TPCN1: variants seen among roughly 807,000 people sequenced by gnomAD.
TPCN1 encodes the protein two pore channel protein 1.
In TPCN1, 52 loss-of-function variants were observed where a neutral mutation model predicts 108.8. That is an observed-to-expected ratio of 0.48 (90% confidence interval 0.38 to 0.60). The LOEUF is 0.60. Ranked by LOEUF, TPCN1 falls within the 20% of genes least tolerant of loss-of-function variation. TPCN1 has a pLI of 0.00. For missense variants in TPCN1, 806 were observed against 1,072.8 expected (o/e 0.75, Z 3.47); for synonymous variants, 446 against 433.7 (o/e 1.03, Z -0.35).
Position 113,244,343 on chromosome 12 carries a change from A to C in TPCN1, c.113-16025A>C, listed in dbSNP as rs570216471. 22 of 985,394 alleles carry C rather than the reference A, an allele frequency of 2.2e-5. No individual in the cohort carries two copies. The South Asian group carries it at 8.5e-4, about 38-fold the overall frequency. The allele number at this position is 985,394 out of a possible 1,614,324, so 61.0% of individuals were successfully genotyped here. A position where few individuals can be genotyped will look rare whatever the true frequency, so the allele number is the denominator to read the frequency against. On this transcript the variant is annotated intron_variant, in intron 2 of 27. Coordinates refer to ENST00000335509, the MANE Select transcript of TPCN1 (RefSeq NM_017901.6). ...AATTCAACTGGGAGGGCTCTGTGCC[A>C]GTTCTTGCCTTTCTGAAGGTTGGTA...
At chr12:113,280,642 T>G (rs1191840355) in intron 15 of TPCN1, among the ~76,000 whole-genome samples, 1 of 152,256 alleles carries the variant, frequency 6.6e-6, no homozygotes, top group East Asian at 1.9e-4. Flanking sequence ...ACATTTAAGC[T>G]AATTAAAATG....
Position 113,232,235 on chromosome 12 carries a change from G to A in TPCN1, c.112+5271G>A, listed in dbSNP as rs1371755359. ...AGCTGACCTCTCCCTCCTTCACGCC[G>A]ATGCCTGGCACATCATCTGGAGTTC... On this transcript the variant is annotated intron_variant, in intron 2 of 27. Coordinates refer to ENST00000335509, the MANE Select transcript of TPCN1 (RefSeq NM_017901.6). This position sits in a 1 kb window ranked among gnomAD's most constrained non-coding sequence, Gnocchi z 5.6. 6.6e-5 allele frequency among the ~76,000 whole-genome samples: 10 copies of A among 152,318 alleles called. No homozygotes were observed. In the South Asian group the frequency reaches 1.2e-3, roughly 19 times the overall value.
intron 7 of TPCN1, among the ~76,000 whole-genome samples, chr12:113,271,450 AT>A (rs1274603636): frequency 2.6e-5 from 4 of 152,122 alleles, no homozygotes; most frequent in Non-Finnish European, 5.9e-5. Context: ...ACGTCTTTAT[AT>A]TTTACTTCAC....
chr12:113,254,933 C>G (rs1241449346), intron 2 of TPCN1, among the ~76,000 whole-genome samples: 1 of 152,186 alleles, frequency 6.6e-6, no homozygotes, highest in Non-Finnish European at 1.5e-5. Context: ...AAACTTCTAG[C>G]TTACATCATA....
intron 2 of TPCN1, among the ~76,000 whole-genome samples, chr12:113,240,910 C>T (rs1377626036): frequency 1.3e-5 from 2 of 152,096 alleles, no homozygotes; most frequent in Non-Finnish European, 2.9e-5. Flanking sequence ...TCATGCCTGG[C>T]TAATTTTTGT....
intron 2 of TPCN1, among the ~76,000 whole-genome samples, chr12:113,246,398 C>G (rs1280544624): frequency 6.6e-6 from 1 of 152,220 alleles, no homozygotes; most frequent in Non-Finnish European, 1.5e-5. Context: ...TGGAACTTTC[C>G]CCAGAGGCCC....
chr12:113,279,361 ATATATATATATATAT>A (rs1955793689), intron 14 of TPCN1, among the ~76,000 whole-genome samples: 1 of 37,656 alleles, frequency 2.7e-5, no homozygotes, highest in Non-Finnish European at 4.2e-5. Context: ...GTGTGTGTGT[ATATATATATATATAT>A]ATATATATAT....
intron 14 of TPCN1, 113 bp downstream of exon 14, chr12:113,278,948 TTGTC>T: frequency 2.3e-6 from 2 of 884,348 alleles, no homozygotes; most frequent in Non-Finnish European, 3.6e-6. Context: ...GTGTGTGTGT[TTGTC>T]TGAATGCCTG....
At position 113,259,062 on chromosome 12, in the gene TPCN1, C is replaced by T. The variant is rs574380544; in HGVS notation, c.113-1306C>T. Among the ~76,000 whole-genome samples, 9 of 152,044 alleles carry T rather than the reference C, an allele frequency of 5.9e-5. 1 individual carries two copies. Among genetic ancestry groups the T allele is most frequent in the African/African-American group, 9.6e-5 (4 of 41,488 alleles). On this transcript the variant is annotated intron_variant, in intron 2 of 27. Transcript: ENST00000335509. ...TGCGATTTTGGCTCACTGCAACCTC[C>T]GCCTCCCAGGTTCAAGTGATTCTCA...
chr12:113,288,248 C>G lies in TPCN1; in HGVS notation c.1706+14C>G, dbSNP rs562277325. On this transcript the variant is annotated intron_variant, in intron 20 of 27. Transcript: ENST00000335509. This position sits in a 1 kb window ranked among gnomAD's most constrained non-coding sequence, Gnocchi z 4.8. The stretch of plus-strand genomic sequence containing the variant: ...CCGGATGGCCAGGTACTGCCAGCCC[C>G]CACCCTGGCCTGCAGGTCCAGGTGC... 1.9e-6 allele frequency: 3 copies of G among 1,613,524 alleles called. No homozygotes were observed. Among genetic ancestry groups the G allele is most frequent in the Non-Finnish European group, 2.5e-6 (3 of 1,179,880 alleles).
Position 113,277,137 on chromosome 12 carries a change from C to G in TPCN1, c.1059+102C>G. ...GGCCAGCCACTTTAGAAACCAGGAA[C>G]CCTGCCCTTGGAAGAATGAACAGAG... On this transcript the variant is annotated intron_variant, in intron 11 of 27. Coordinates refer to ENST00000335509, the MANE Select transcript of TPCN1 (RefSeq NM_017901.6). 3 of 1,601,368 alleles carry G rather than the reference C, an allele frequency of 1.9e-6. No homozygotes were observed. The African/African-American group carries it at 4.0e-5, about 21-fold the overall frequency.
At chr12:113,263,270 C>A (rs983421228) in intron 3 of TPCN1, among the ~76,000 whole-genome samples, 5 of 152,176 alleles carry the variant, frequency 3.3e-5, no homozygotes, top group Admixed American at 6.5e-5. Flanking sequence ...GATGAGATGG[C>A]CTGTTTTTCT....
At chr12:113,253,870 C>T (rs937903174) in intron 2 of TPCN1, among the ~76,000 whole-genome samples, 7 of 152,116 alleles carry the variant, frequency 4.6e-5, no homozygotes, top group African/African-American at 1.4e-4. Flanking sequence ...TAAAATCTGC[C>T]GCAGGATAGG....
In TPCN1 at chr12:113,296,131, T is replaced by C. The variant is rs1956422565; in HGVS notation, c.*55T>C. 1 of 1,592,208 alleles carries C rather than the reference T, an allele frequency of 6.3e-7. No homozygotes were observed. Among genetic ancestry groups the C allele is most frequent in the East Asian group, 2.3e-5 (1 of 44,364 alleles). On this transcript the variant is annotated 3_prime_UTR_variant, in exon 28 of 28. Transcript: ENST00000335509. ...CAATAACACAATAGTATTACTCTAC[T>C]GCGATGTACGGAACTGCGGTGTGTG...
chr12:113,296,608 G>A lies in TPCN1; in HGVS notation c.*532G>A, dbSNP rs2232515. 21,750 of 153,380 alleles carry A rather than the reference G, an allele frequency of 0.14. 2,135 individuals are homozygous for A. Among genetic ancestry groups the A allele is most frequent in the African/African-American group, 0.27 (11,338 of 41,536 alleles). 9.5% of individuals were successfully genotyped at this position (153,380 alleles called of 1,614,324 possible). A position where few individuals can be genotyped will look rare whatever the true frequency, so the allele number is the denominator to read the frequency against. ...TGATAATGTCACGCAACACCTCTTC[G>A]GGGACCAGTGCCCAGGATCTAATGG... On this transcript the variant is annotated 3_prime_UTR_variant, in exon 28 of 28. Transcript: ENST00000335509.
intron 2 of TPCN1, among the ~76,000 whole-genome samples, chr12:113,258,422 C>T (rs541420962): frequency 2.6e-5 from 4 of 152,104 alleles, no homozygotes; most frequent in South Asian, 2.1e-4. Context: ...GCTGAGATCA[C>T]GCCATTGCAT....
chr12:113,263,461 A>G (rs1345130441), intron 3 of TPCN1, among the ~76,000 whole-genome samples: 1 of 152,216 alleles, frequency 6.6e-6, no homozygotes, highest in Non-Finnish European at 1.5e-5. Flanking sequence ...GGGTTTCACC[A>G]TGTTGGTCAG....
At chr12:113,275,867 G>A (rs1037759664) in intron 10 of TPCN1, among the ~76,000 whole-genome samples, 9 of 152,250 alleles carry the variant, frequency 5.9e-5, no homozygotes, top group African/African-American at 1.7e-4. Context: ...ACCGTGCCCG[G>A]CCTGAGAAAA....
Position 113,277,892 on chromosome 12 carries a change from C to T in TPCN1, c.1185-297C>T, listed in dbSNP as rs146546465. On this transcript the variant is annotated intron_variant, in intron 12 of 27. Transcript: ENST00000335509. ...CCCTGCTAAAAAGTGAAGTTTCCGT[C>T]CTCCTAAGAATCCTAGTGCTCCAGC... is the stretch of plus-strand genomic sequence containing the variant. 3.9e-3 allele frequency among the ~76,000 whole-genome samples: 598 copies of T among 152,334 alleles called. 8 individuals carry two copies. Among genetic ancestry groups the T allele is most frequent in the African/African-American group, 0.014 (582 of 41,588 alleles).
Sources: allele counts gnomAD v4.1 joint callset (sites outside exome capture counted in the v4.1 genomes callset), GRCh38; gene constraint gnomAD v4.1.1; non-coding constraint Gnocchi (gnomAD v3.1); transcripts MANE v1.5; gene names NCBI Gene and HGNC (gene_info 2026-07-23, HGNC 2026-07-21).